ITGA7: variants seen among roughly 807,000 people sequenced by gnomAD.
The protein encoded by ITGA7 is integrin subunit alpha 7, also known as integrin alpha-7.
ITGA7 carries 84 observed loss-of-function variants against 131.6 expected under a neutral mutation model. That is an observed-to-expected ratio of 0.64 (90% CI 0.54 to 0.77). The LOEUF (loss-of-function observed/expected upper bound fraction) is 0.77, where lower values mean the gene tolerates loss of function less well. Ranked by LOEUF, ITGA7 falls within the 30% of genes least tolerant of loss-of-function variation. ITGA7 has a pLI of 0.00. For synonymous variants in ITGA7, 548 were observed against 600.7 expected, an observed-to-expected ratio of 0.91 and a Z score of 1.28; for missense variants, 1,399 against 1,482.9, an observed-to-expected ratio of 0.94 and a Z score of 0.93.
chr12:55,706,232 G>T (rs1875152618), intron 1 of ITGA7, among the ~76,000 whole-genome samples: 1 of 152,252 alleles, frequency 6.6e-6, no homozygotes, highest in South Asian at 2.1e-4. Flanking sequence ...GAGGGAGGGA[G>T]CAAAGGTGAA....
chr12:55,711,122 T>C (rs569928564), upstream of ITGA7, among the ~76,000 whole-genome samples: 12 of 152,296 alleles, frequency 7.9e-5, no homozygotes, highest in African/African-American at 2.6e-4. Context: ...GATGTCACCA[T>C]TAGGGGAAAC....
At chr12:55,699,801 C>G (rs115011054) in intron 5 of ITGA7, 69 bp downstream of exon 5, 2 of 1,548,528 alleles carry the variant, frequency 1.3e-6, no homozygotes, top group Non-Finnish European at 1.8e-6. Context: ...CACCAAAGGT[C>G]GAGTTCCCTG....
At chr12:55,693,746 T>G (rs562109713) in intron 19 of ITGA7, among the ~76,000 whole-genome samples, 1 of 151,416 alleles carries the variant, frequency 6.6e-6, no homozygotes, top group South Asian at 2.1e-4. Context: ...CATGTTCCCA[T>G]CCCCCAGCTG....
chr12:55,702,037 C>T (rs113151390), intron 3 of ITGA7, among the ~76,000 whole-genome samples: 2,379 of 152,198 alleles, frequency 0.016, 58 homozygotes, highest in African/African-American at 0.055. Context: ...GGTTTTGAGA[C>T]GGAACTTTGC....
chr12:55,698,919 T>C lies in ITGA7; in HGVS notation c.791-2A>G. On this transcript the variant is annotated splice_acceptor_variant, in intron 5 of 24. Coordinates refer to ENST00000257879, the MANE Select transcript of ITGA7 (RefSeq NM_002206.3). LOFTEE classifies it high-confidence loss of function. ...CTTTCCCCGAGTCAATAGAGAAGCC[T>C]GGGGGAAGGGTGACTTACCCCTAAG... The C allele has an allele frequency of 6.2e-7, 1 of 1,607,768 alleles. No homozygotes were observed. Among genetic ancestry groups the C allele is most frequent in the South Asian group, 1.1e-5 (1 of 90,218 alleles).
intron 1 of ITGA7, among the ~76,000 whole-genome samples, chr12:55,704,061 GA>G (rs1310827122): frequency 6.6e-6 from 1 of 152,212 alleles, no homozygotes; most frequent in African/African-American, 2.4e-5. Context: ...CCCTGGGGCT[GA>G]ACCCCCAAGC....
At chr12:55,714,098 C>T (rs1876322496), upstream of ITGA7, among the ~76,000 whole-genome samples, 1 of 152,198 alleles carries the variant, frequency 6.6e-6, no homozygotes, top group Non-Finnish European at 1.5e-5. Context: ...CTGATAAGGC[C>T]AGGCACGGTG....
intron 24 of ITGA7, chr12:55,686,075 A>C: frequency 2.3e-6 from 1 of 441,226 alleles, no homozygotes; most frequent in Non-Finnish European, 4.1e-6. Context: ...CTCACCTCAC[A>C]TCACTCTCAT....
chr12:55,694,508 G>T lies in ITGA7; in HGVS notation c.2292C>A (p.Leu764=). The change falls in exon 17 of 25, where the codon CTC becomes CTA. Residue 764 remains leucine, a synonymous_variant. Transcript: ENST00000257879. This position sits in a 1 kb window ranked among gnomAD's most constrained non-coding sequence, Gnocchi z 5.3. The part of the protein sequence containing the change: ...MKRGAQVTFY[L]ILSTSGISIE... ...TGCTGATCCCGGAGGTGCTAAGGATGAGGTAGAAGGTGACCTAGGCCAAGG... is the reference window on the plus strand; with the variant it reads ...TGCTGATCCCGGAGGTGCTAAGGATTAGGTAGAAGGTGACCTAGGCCAAGG... 1 of 1,614,192 alleles carries T rather than the reference G, an allele frequency of 6.2e-7. No individual in the cohort carries two copies. The highest frequency in any genetic ancestry group is 1.3e-5 in the African/African-American group (1 of 75,058).
chr12:55,712,263 G>A (rs576452738), upstream of ITGA7: 3 of 1,550,988 alleles, frequency 1.9e-6, no homozygotes, highest in East Asian at 2.4e-5. Context: ...TTACCAAAGG[G>A]AGCCATTTGG....
upstream of ITGA7, chr12:55,715,994 T>C (rs1320425981): frequency 1.3e-6 from 2 of 1,484,712 alleles, no homozygotes; most frequent in African/African-American, 2.8e-5. Flanking sequence ...GCCAAGATCT[T>C]CACCCAAGGT....
rs1238638415 is a variant in ITGA7, at chr12:55,696,385, G to A, written c.1785C>T (p.Tyr595=). Residue 595 remains tyrosine (Y), a synonymous_variant, in exon 13 of 25, where the codon TAC becomes TAT. Transcript: ENST00000257879. The part of the protein sequence containing the change: ...KLRAIVVTLS[Y]SLQTPRLRRQ... ...GCCGGAGCCGAGGGGTCTGGAGACT[G>A]TAGGACAAGGTCACTACAATGGCCC... 1 of 1,599,494 alleles carries A rather than the reference G, an allele frequency of 6.3e-7. No homozygotes were observed. Among genetic ancestry groups the A allele is most frequent in the Non-Finnish European group, 8.5e-7 (1 of 1,171,818 alleles).
Position 55,696,938 on chromosome 12 carries a change from C to A in ITGA7, c.1698G>T (p.Gln566His), listed in dbSNP as rs1011338098. The A allele has an allele frequency of 6.2e-7, 1 of 1,614,090 alleles. No homozygotes were observed. The highest frequency in any genetic ancestry group is 1.3e-5 in the African/African-American group (1 of 74,938). Residue 566 changes from glutamine (Q) to histidine (H), a missense_variant, in exon 12 of 25, where the codon CAG becomes CAT. By Grantham distance (24) the Gln-to-His change is conservative. Coordinates refer to ENST00000257879, the MANE Select transcript of ITGA7 (RefSeq NM_002206.3). ...QASGTVWLKH[Q>H]HDRVCGDAMF... The stretch of plus-strand genomic sequence containing the variant: ...TGGCGTCTCCACAGACTCGGTCATG[C>A]TGGTGCTTCAGCCACACGGTGCCCG...
At position 55,707,820 on chromosome 12, in the gene ITGA7, G is replaced by GGGCCCGCC; in HGVS notation, c.-139_-138insGGCGGGCC. The GGGCCCGCC allele has an allele frequency of 6.9e-7, 1 of 1,455,776 alleles. No homozygotes were observed. Among genetic ancestry groups the GGGCCCGCC allele is most frequent in the South Asian group, 1.4e-5 (1 of 73,614 alleles). 90.2% of individuals were successfully genotyped at this position (1,455,776 alleles called of 1,614,324 possible). A position where few individuals can be genotyped will look rare whatever the true frequency, so the allele number is the denominator to read the frequency against. On this transcript the variant is annotated 5_prime_UTR_variant, in exon 1 of 25. Coordinates refer to ENST00000257879, the MANE Select transcript of ITGA7 (RefSeq NM_002206.3). ...CGTCTCCCAGACGTTCGCCCCGCCA[G>GGGCCCGCC]CCCTCCCGCCCGCCCGCCGCTCCGC...
rs1432415313 is a variant in ITGA7 at position 55,700,937 on chromosome 12, T to C, written c.632A>G (p.Tyr211Cys). 3.1e-6 allele frequency: 5 copies of C among 1,613,810 alleles called. No individual in the cohort carries two copies. The highest frequency in any genetic ancestry group is 3.3e-4 in the Middle Eastern group (2 of 6,062). ...TAAAFSPDSH[Y>C]LLFGAPGTYN... ...GGTTCCTGGGGCCCCAAAGAGGAGGTAGTGGCTATCAGGGGAGAAGGCGGC... is the reference window on the plus strand; with the variant it reads ...GGTTCCTGGGGCCCCAAAGAGGAGGCAGTGGCTATCAGGGGAGAAGGCGGC... The change falls in exon 4 of 25, where the codon TAC becomes TGC. Residue 211 changes from tyrosine to cysteine, a missense_variant. By Grantham distance (194) the Tyr-to-Cys change is radical. Transcript: ENST00000257879.
rs1250879059 is a variant in ITGA7, at chr12:55,700,921, G to A, written c.648C>T (p.Ala216=). 4 of 1,614,194 alleles carry A rather than the reference G, an allele frequency of 2.5e-6. No homozygotes were observed. The Admixed American group carries it at 5.0e-5, about 20-fold the overall frequency. Residue 216 remains alanine (A), a synonymous_variant, in exon 4 of 25, where the codon GCC becomes GCT. Coordinates refer to ENST00000257879, the MANE Select transcript of ITGA7 (RefSeq NM_002206.3). ...SPDSHYLLFG[A]PGTYNWKGLL... ...CACCCTTCCAATTATAGGTTCCTGG[G>A]GCCCCAAAGAGGAGGTAGTGGCTAT...
At chr12:55,712,132 T>G, upstream of ITGA7, 1 of 1,551,370 alleles carries the variant, frequency 6.4e-7, no homozygotes, top group Non-Finnish European at 8.7e-7. Flanking sequence ...ACCATGGGAG[T>G]GGCTGGGAGG....
chr12:55,706,638 C>T (rs1875253449), intron 1 of ITGA7, among the ~76,000 whole-genome samples: 1 of 150,204 alleles, frequency 6.7e-6, no homozygotes, highest in Non-Finnish European at 1.5e-5. Context: ...AGGCCCCTCA[C>T]AAAAGTATAT....
intron 4 of ITGA7, 21 bp downstream of exon 4, chr12:55,700,878 C>T (rs762857539): frequency 1.2e-6 from 2 of 1,614,204 alleles, no homozygotes; most frequent in Non-Finnish European, 1.7e-6. Flanking sequence ...CCCCTTCTCC[C>T]CTTCCCGAGG....
Sources: allele counts gnomAD v4.1 joint callset (sites outside exome capture counted in the v4.1 genomes callset), GRCh38; gene constraint gnomAD v4.1.1; non-coding constraint Gnocchi (gnomAD v3.1); transcripts MANE v1.5; gene names NCBI Gene and HGNC (gene_info 2026-07-23, HGNC 2026-07-21).